Variants in VIRMA observed in about 807,000 individuals in gnomAD.
VIRMA encodes the protein protein virilizer homolog.
Under a neutral mutation model 182.4 loss-of-function variants are expected in VIRMA, and 65 were observed. That is an observed-to-expected ratio of 0.36 (90% CI 0.29 to 0.44). The LOEUF is 0.44. Ranked by LOEUF, VIRMA falls within the 20% of genes least tolerant of loss-of-function variation. The probability of loss-of-function intolerance (pLI) is 1.00; values close to 1 mark genes in which losing one functional copy is unlikely to be tolerated. For missense variants in VIRMA, 1,752 were observed against 2,158.1 expected, an observed-to-expected ratio of 0.81 and a Z score of 3.73; for synonymous variants, 709 against 743.1, an observed-to-expected ratio of 0.95 and a Z score of 0.75.
In VIRMA at chr8:94,495,848, C is replaced by G; in HGVS notation, c.4427G>C (p.Ser1476Thr). ...CAGCATCTGCTTAAGTCCAACTACACTGTCCAACAAAGAATCCAGATTGTC... is the reference window on the plus strand; with the variant it reads ...CAGCATCTGCTTAAGTCCAACTACAGTGTCCAACAAAGAATCCAGATTGTC... ...DDDNLDSLLD[S>T]VVGLKQMLES... is the part of the protein sequence containing the mutation. Residue 1476 changes from serine to threonine, a missense_variant, in exon 19 of 24, where the codon AGT becomes ACT. By Grantham distance (58) the Ser-to-Thr change is moderately conservative. Coordinates refer to ENST00000297591, the MANE Select transcript of VIRMA (RefSeq NM_015496.5). 1 of 1,613,876 alleles carries G rather than the reference C, an allele frequency of 6.2e-7. No homozygotes were observed. Among genetic ancestry groups the G allele is most frequent in the South Asian group, 1.1e-5 (1 of 91,036 alleles).
chr8:94,507,221 C>T (rs1265463171), intron 15 of VIRMA, among the ~76,000 whole-genome samples: 27 of 150,394 alleles, frequency 1.8e-4, no homozygotes, highest in South Asian at 8.4e-4. Flanking sequence ...CTGCAACCTT[C>T]GCCTCCCAGG....
Position 94,499,502 on chromosome 8 carries a change from A to C in VIRMA, c.4102T>G (p.Leu1368Val). Reference sequence around the variant, plus strand: ...TGCAGAGCACTACTGTTTTTCCTTAAAGAACTGTAAATAAAGAAAATAAAG... The same window carrying C: ...TGCAGAGCACTACTGTTTTTCCTTACAGAACTGTAAATAAAGAAAATAAAG... ...DYGLFHLKSS[L>V]RKNSSALHSL... The change falls in exon 17 of 24, where the codon TTA becomes GTA. Residue 1368 changes from leucine (L) to valine (V), a missense_variant. Physicochemically the swap from Leu to Val is conservative, Grantham distance 32 (BLOSUM62 1). Around this residue, in one of 11 missense-constraint regions of VIRMA, gnomAD observed 777 missense variants for 920.6 expected, o/e 0.84. Transcript: ENST00000297591. The C allele has an allele frequency of 6.7e-7, 1 of 1,495,916 alleles. No homozygotes were observed. The allele number at this position is 1,495,916 out of a possible 1,614,324, so 92.7% of individuals were successfully genotyped here. A position where few individuals can be genotyped will look rare whatever the true frequency, so the allele number is the denominator to read the frequency against.
In VIRMA at chr8:94,495,088, T is replaced by C; in HGVS notation, c.4545-132A>G. 7.3e-6 allele frequency: 5 copies of C among 684,564 alleles called. No individual in the cohort carries two copies. In the South Asian group the frequency reaches 7.9e-5, roughly 11 times the overall value. 42.4% of individuals were successfully genotyped at this position (684,564 alleles called of 1,614,324 possible). ...CGATCACAGTTCACTGCAGCCTTGATCTCCTGGGCTCAAGTGATCCTCCCA... is the reference window on the plus strand; with the variant it reads ...CGATCACAGTTCACTGCAGCCTTGACCTCCTGGGCTCAAGTGATCCTCCCA... On this transcript the variant is annotated intron_variant, in intron 19 of 23. Coordinates refer to ENST00000297591, the MANE Select transcript of VIRMA (RefSeq NM_015496.5).
chr8:94,532,202 G>A (rs1815195788), intron 5 of VIRMA, among the ~76,000 whole-genome samples: 1 of 152,212 alleles, frequency 6.6e-6, no homozygotes, highest in African/African-American at 2.4e-5. Flanking sequence ...CACCACCAGG[G>A]TTCAAGTGAT....
Position 94,491,624 on chromosome 8 carries a change from A to T in VIRMA, c.5094T>A (p.Gly1698=). Residue 1698 remains glycine, a synonymous_variant, in exon 22 of 24, where the codon GGT becomes GGA. Coordinates refer to ENST00000297591, the MANE Select transcript of VIRMA (RefSeq NM_015496.5). Reference sequence around the variant, plus strand: ...AAAACCTATTCTGACTGTGGAAAGCACCCCGTCCTCCTCTATTGCCTGAAA... The same window carrying T: ...AAAACCTATTCTGACTGTGGAAAGCTCCCCGTCCTCCTCTATTGCCTGAAA... ...GGFSGNRGGR[G]AFHSQNRFFT... 6.2e-7 allele frequency: 1 copy of T among 1,614,070 alleles called. No individual in the cohort carries two copies. Among genetic ancestry groups the T allele is most frequent in the Non-Finnish European group, 8.5e-7 (1 of 1,179,998 alleles).
chr8:94,501,452 A>C (rs566775217), intron 16 of VIRMA, among the ~76,000 whole-genome samples: 2 of 152,288 alleles, frequency 1.3e-5, no homozygotes, highest in Admixed American at 6.5e-5. Context: ...GACAAAAAGA[A>C]CCATATACAA....
rs779789643 is a variant in VIRMA at position 94,488,814 on chromosome 8, T to G, written c.5331A>C (p.Gly1777=). ...PRDRASRGRG[G]LGPSWASANS... ...TTGCACTAGCCCAGGAAGGTCCAAG[T>G]CCCCCACGACCTCTAGAAGCACGGT... is the stretch of plus-strand genomic sequence containing the variant. Residue 1777 remains glycine, a synonymous_variant, in exon 24 of 24, where the codon GGA becomes GGC. Coordinates refer to ENST00000297591, the MANE Select transcript of VIRMA (RefSeq NM_015496.5). 1 of 1,614,124 alleles carries G rather than the reference T, an allele frequency of 6.2e-7. No individual in the cohort carries two copies. The highest frequency in any genetic ancestry group is 8.5e-7 in the Non-Finnish European group (1 of 1,180,000).
intron 23 of VIRMA, 141 bp from the exon 24 acceptor site, chr8:94,489,001 A>G: frequency 2.6e-6 from 2 of 778,480 alleles, no homozygotes; most frequent in Non-Finnish European, 3.9e-6. Context: ...TGAATGGGCC[A>G]AAGATTTTTG....
chr8:94,490,894 T>A (rs1813584109), intron 22 of VIRMA, among the ~76,000 whole-genome samples: 1 of 151,322 alleles, frequency 6.6e-6, no homozygotes, highest in Non-Finnish European at 1.5e-5. Flanking sequence ...AAATATAACA[T>A]TAGAAAACAA....
At chr8:94,550,773 C>T (rs992282664) in intron 1 of VIRMA, among the ~76,000 whole-genome samples, 2 of 152,066 alleles carry the variant, frequency 1.3e-5, no homozygotes, top group Non-Finnish European at 2.9e-5. Context: ...GGCTGGAGTG[C>T]AGTGGCGTGA....
chr8:94,506,384 G>A (rs975862341), intron 16 of VIRMA, 116 bp downstream of exon 16: 28 of 648,356 alleles, frequency 4.3e-5, no homozygotes, highest in Non-Finnish European at 6.6e-5. Flanking sequence ...TTTCTCCCAC[G>A]AAAGAAATCA....
chr8:94,534,888 C>A lies in VIRMA; in HGVS notation c.435G>T (p.Pro145=), dbSNP rs748672515. 7.1e-7 allele frequency: 1 copy of A among 1,402,212 alleles called. No homozygotes were observed. Among genetic ancestry groups the A allele is most frequent in the Non-Finnish European group, 9.9e-7 (1 of 1,010,058 alleles). The allele number at this position is 1,402,212 out of a possible 1,614,324, so 86.9% of individuals were successfully genotyped here. ...DRDSPPPPPP[P]PPPPQPQPSL... is the part of the protein sequence containing the mutation. ...TTGGTTGTGGCTGGGGAGGTGGTGG[C>A]GGTGGAGGTGGTGGTGGTGGAGAGT... Residue 145 remains proline, a synonymous_variant, in exon 5 of 24, where the codon CCG becomes CCT. Transcript: ENST00000297591.
chr8:94,491,720 A>G lies in VIRMA; in HGVS notation c.4998T>C (p.Val1666=). 1 of 1,614,160 alleles carries G rather than the reference A, an allele frequency of 6.2e-7. No individual in the cohort carries two copies. The highest frequency in any genetic ancestry group is 1.3e-5 in the African/African-American group (1 of 75,036). Residue 1666 remains valine (V), a synonymous_variant, in exon 22 of 24, where the codon GTT becomes GTC. Transcript: ENST00000297591. ...TTGGTGGAGGTATTCCATCTTGAGG[A>G]ACCACTTCTTTACTTTCAGCAGCAA... ...DFVAAESKEV[V]PQDGIPPPKR...
intron 15 of VIRMA, among the ~76,000 whole-genome samples, chr8:94,508,289 T>C (rs1034942573): frequency 1.3e-5 from 2 of 152,110 alleles, no homozygotes; most frequent in African/African-American, 4.8e-5. Flanking sequence ...TTTCACCATA[T>C]TGGCCAGGCT....
chr8:94,505,162 C>G (rs1814112048), intron 16 of VIRMA, among the ~76,000 whole-genome samples: 1 of 152,038 alleles, frequency 6.6e-6, no homozygotes, highest in African/African-American at 2.4e-5. Flanking sequence ...AAGCAGGTGC[C>G]ATCAACTGAG....
In VIRMA at chr8:94,488,338, A is replaced by G. The variant is rs1215943976; in HGVS notation, c.*368T>C. On this transcript the variant is annotated 3_prime_UTR_variant, in exon 24 of 24. Transcript: ENST00000297591. ...ACTGCTTAATAAACACAAGTATTAG[A>G]TATTTCTTTTGGACCAGGTATGCTG... The G allele has an allele frequency of 5.9e-6, 1 of 169,852 alleles. No individual in the cohort carries two copies. The highest frequency in any genetic ancestry group is 1.3e-5 in the Non-Finnish European group (1 of 78,298). 10.5% of individuals were successfully genotyped at this position (169,852 alleles called of 1,614,324 possible).
chr8:94,496,178 T>C, intron 18 of VIRMA, 150 bp downstream of exon 18: 1 of 729,700 alleles, frequency 1.4e-6, no homozygotes, highest in Non-Finnish European at 2.1e-6. Context: ...AGGACTTCAC[T>C]TCAAATTATT....
intron 22 of VIRMA, among the ~76,000 whole-genome samples, chr8:94,490,513 A>G (rs983473624): frequency 6.6e-6 from 1 of 152,200 alleles, no homozygotes; most frequent in African/African-American, 2.4e-5. Context: ...TTATCAATCC[A>G]CTACTAAAGT....
chr8:94,527,216 C>T lies in VIRMA; in HGVS notation c.1028G>A (p.Arg343Lys). The stretch of plus-strand genomic sequence containing the variant: ...GAAGTATAAGAGTGGTACAAGCTCC[C>T]TGTCATATGGATCATATGTCATAGG... ...VPPMTYDPYD[R>K]ELVPLLYFSC... Residue 343 changes from arginine (R) to lysine (K), a missense_variant, in exon 8 of 24, where the codon AGG becomes AAG. Transcript: ENST00000297591. 1 of 1,614,028 alleles carries T rather than the reference C, an allele frequency of 6.2e-7. No individual in the cohort carries two copies. Among genetic ancestry groups the T allele is most frequent in the South Asian group, 1.1e-5 (1 of 91,080 alleles).
Sources: allele counts gnomAD v4.1 joint callset (sites outside exome capture counted in the v4.1 genomes callset), GRCh38; gene constraint gnomAD v4.1.1; regional missense constraint gnomAD v4.1.1; transcripts MANE v1.5; gene names NCBI Gene and HGNC (gene_info 2026-07-23, HGNC 2026-07-21).